Variants in CASTOR2 observed in about 807,000 individuals in gnomAD.
The protein encoded by CASTOR2 is GATS protein like 2.
A neutral mutation model predicts 31.2 loss-of-function variants in CASTOR2; 8 were observed. The observed-to-expected ratio is 0.26, with a 90% CI of 0.15 to 0.46. CASTOR2 has a LOEUF of 0.46. CASTOR2 is among the 20% of genes least tolerant of loss of function. CASTOR2 has a pLI of 0.99. For missense variants in CASTOR2, 216 were observed against 382.1 expected (o/e 0.57, Z 3.62); for synonymous variants, 162 against 158.7 (o/e 1.02, Z -0.16).
intron 1 of CASTOR2, among the ~76,000 whole-genome samples, chr7:74,979,456 A>G (rs1295342725): frequency 2.7e-5 from 3 of 113,072 alleles, no homozygotes; most frequent in African/African-American, 3.6e-5. Context: ...GTGCAGTGCA[A>G]TCTCGGCTCA....
intron 2 of CASTOR2, among the ~76,000 whole-genome samples, chr7:75,013,874 C>T (rs1423839345): frequency 1.3e-5 from 2 of 151,930 alleles, no homozygotes; most frequent in Non-Finnish European, 2.9e-5. Flanking sequence ...ATTACAGGCA[C>T]GCACCACCAC....
At chr7:74,992,670 C>G (rs1412875615) in intron 1 of CASTOR2, among the ~76,000 whole-genome samples, 1 of 152,122 alleles carries the variant, frequency 6.6e-6, no homozygotes, top group Non-Finnish European at 1.5e-5. Context: ...GAACTCCTGA[C>G]CTCGTGATCT....
intron 2 of CASTOR2, among the ~76,000 whole-genome samples, chr7:75,012,549 C>A (rs1584474500): frequency 1.3e-5 from 2 of 152,058 alleles, no homozygotes; most frequent in East Asian, 3.9e-4. Flanking sequence ...TCAGATGATC[C>A]TCTTGCCTTG....
At position 75,023,287 on chromosome 7, in the gene CASTOR2, G is replaced by A. The variant is rs1367637545; in HGVS notation, c.830-1153G>A. ...GGCGCCACTGCACTCCAGCCTGGGCGACAGAGCGAGAGTCCACCTCAAAAA... is the reference window on the plus strand; with the variant it reads ...GGCGCCACTGCACTCCAGCCTGGGCAACAGAGCGAGAGTCCACCTCAAAAA... On this transcript the variant is annotated intron_variant, in intron 7 of 8. Coordinates refer to ENST00000616305, the MANE Select transcript of CASTOR2 (RefSeq NM_001145064.3). Among the ~76,000 whole-genome samples, 3 of 151,986 alleles carry A rather than the reference G, an allele frequency of 2.0e-5. No homozygotes were observed. In the East Asian group the frequency reaches 5.8e-4, roughly 29 times the overall value.
intron 1 of CASTOR2, among the ~76,000 whole-genome samples, chr7:74,999,133 C>G (rs1392848917): frequency 2.0e-5 from 3 of 152,070 alleles, no homozygotes; most frequent in Non-Finnish European, 2.9e-5. Context: ...GTAGCTGGGA[C>G]TACAGGCGCC....
chr7:74,999,300 G>A (rs1175347247), intron 1 of CASTOR2, among the ~76,000 whole-genome samples: 2 of 152,012 alleles, frequency 1.3e-5, no homozygotes, highest in Non-Finnish European at 1.5e-5. Context: ...ATGAGCCACC[G>A]CGCCCGACCT....
intron 1 of CASTOR2, among the ~76,000 whole-genome samples, chr7:74,979,429 C>T (rs1803902159): frequency 8.3e-6 from 1 of 120,044 alleles, no homozygotes; most frequent in Admixed American, 9.3e-5. Context: ...GAGTCTTACT[C>T]TATTGCCCAG....
intron 2 of CASTOR2, among the ~76,000 whole-genome samples, chr7:75,016,551 C>G (rs1209382206): frequency 1.3e-5 from 2 of 152,124 alleles, no homozygotes; most frequent in Non-Finnish European, 2.9e-5. Context: ...GAAGAGAAAC[C>G]CCAAAGCCCC....
intron 1 of CASTOR2, among the ~76,000 whole-genome samples, chr7:74,980,653 G>C (rs1803927040): frequency 7.2e-6 from 1 of 139,398 alleles, no homozygotes; most frequent in South Asian, 2.1e-4. Flanking sequence ...GGCACAGATG[G>C]TCTGTTCTGC....
intron 6 of CASTOR2, among the ~76,000 whole-genome samples, chr7:75,021,272 G>A (rs1382411770): frequency 6.6e-6 from 1 of 152,116 alleles, no homozygotes; most frequent in East Asian, 1.9e-4. Context: ...GATTACCGGC[G>A]TGAGCCACCG....
At chr7:75,004,509 G>A (rs1394065038) in intron 1 of CASTOR2, among the ~76,000 whole-genome samples, 1 of 144,182 alleles carries the variant, frequency 6.9e-6, no homozygotes, top group Non-Finnish European at 1.5e-5. Context: ...CTGGAGTGCA[G>A]TGGCACGATC....
rs2131963451 is a variant in CASTOR2, at chr7:75,028,513, G to A, written c.*3814G>A. Among the ~76,000 whole-genome samples, 1 of 152,162 alleles carries A rather than the reference G, an allele frequency of 6.6e-6. No individual in the cohort carries two copies. The highest frequency in any genetic ancestry group is 1.9e-4 in the East Asian group (1 of 5,170). ...TGGCCCCTGTGTGGTTCTCCATTAAGAAAAGCTCAGATAGTCTCAACCCCA... is the reference window on the plus strand; with the variant it reads ...TGGCCCCTGTGTGGTTCTCCATTAAAAAAAGCTCAGATAGTCTCAACCCCA... On this transcript the variant is annotated 3_prime_UTR_variant, in exon 9 of 9. Transcript: ENST00000616305.
chr7:75,002,793 A>G (rs1197992581), intron 1 of CASTOR2, among the ~76,000 whole-genome samples: 5 of 151,914 alleles, frequency 3.3e-5, no homozygotes, highest in African/African-American at 4.8e-5. Context: ...ACCTTCGAGT[A>G]TAGAAGACAT....
chr7:75,026,166 C>T lies in CASTOR2; in HGVS notation c.*1467C>T, dbSNP rs1303963751. 7.1e-6 allele frequency among the ~76,000 whole-genome samples: 1 copy of T among 140,410 alleles called. No individual in the cohort carries two copies. Among genetic ancestry groups the T allele is most frequent in the Admixed American group, 7.2e-5 (1 of 13,830 alleles). 92.1% of individuals were successfully genotyped at this position (140,410 alleles called of 152,430 possible). A position where few individuals can be genotyped will look rare whatever the true frequency, so the allele number is the denominator to read the frequency against. The stretch of plus-strand genomic sequence containing the variant: ...TCTGAATGAGCAGGACCAAGGGCCC[C>T]TGTGGTTTTGGCTCTGGCGGGGGTT... On this transcript the variant is annotated 3_prime_UTR_variant, in exon 9 of 9. Coordinates refer to ENST00000616305, the MANE Select transcript of CASTOR2 (RefSeq NM_001145064.3).
chr7:75,018,089 G>A lies in CASTOR2; in HGVS notation c.478G>A (p.Gly160Ser), dbSNP rs1804909041. Reference sequence around the variant, plus strand: ...CGAGACCGTGGCAGCCGAGAACCTCGGCATCACCAATGGCTTCGTGAAGCC... The same window carrying A: ...CGAGACCGTGGCAGCCGAGAACCTCAGCATCACCAATGGCTTCGTGAAGCC... ...NGETVAAENL[G>S]ITNGFVKPKL... The change falls in exon 4 of 9, where the codon GGC becomes AGC. Residue 160 changes from glycine (G) to serine (S), a missense_variant. Transcript: ENST00000616305. The A allele has an allele frequency of 6.8e-6, 11 of 1,614,122 alleles. No homozygotes were observed. Among genetic ancestry groups the A allele is most frequent in the Admixed American group, 3.3e-5 (2 of 60,014 alleles).
chr7:75,010,866 T>C (rs1438991894), intron 2 of CASTOR2, among the ~76,000 whole-genome samples: 14 of 151,982 alleles, frequency 9.2e-5, no homozygotes, highest in African/African-American at 2.7e-4. Context: ...CTTTTTTTTT[T>C]CTTTGAGACA....
intron 1 of CASTOR2, among the ~76,000 whole-genome samples, chr7:74,995,207 T>A (rs1199013834): frequency 6.6e-6 from 1 of 151,934 alleles, no homozygotes; most frequent in Non-Finnish European, 1.5e-5. Context: ...AGGAAGACTC[T>A]TTTTTTTAGG....
intron 1 of CASTOR2, among the ~76,000 whole-genome samples, chr7:74,999,814 C>T (rs2131938863): frequency 6.6e-6 from 1 of 152,018 alleles, no homozygotes; most frequent in African/African-American, 2.4e-5. Flanking sequence ...GACGGGGTTT[C>T]ACCTTGTCCC....
chr7:75,021,440 T>G (rs1202954864), intron 6 of CASTOR2, among the ~76,000 whole-genome samples: 1 of 152,268 alleles, frequency 6.6e-6, no homozygotes, highest in East Asian at 1.9e-4. Flanking sequence ...TTGTCTCTAA[T>G]AAACCCTCAC....
Sources: allele counts gnomAD v4.1 joint callset (sites outside exome capture counted in the v4.1 genomes callset), GRCh38; gene constraint gnomAD v4.1.1; transcripts MANE v1.5; gene names NCBI Gene and HGNC (gene_info 2026-07-23, HGNC 2026-07-21).